Variants in PRAMEF11 observed in about 807,000 individuals in gnomAD.
PRAMEF11 encodes the protein PRAME family member 11.
Under a neutral mutation model 33.6 loss-of-function variants are expected in PRAMEF11, and 17 were observed. The observed-to-expected ratio is 0.51, with a 90% CI of 0.35 to 0.76. PRAMEF11 has a LOEUF of 0.76. PRAMEF11 is among the 30% of genes least tolerant of loss of function. The pLI is 0.01. For synonymous variants in PRAMEF11, 205 were observed against 227.3 expected, an observed-to-expected ratio of 0.90 and a Z score of 0.88; for missense variants, 568 against 567.0, an observed-to-expected ratio of 1.00 and a Z score of -0.02.
At chr1:12,828,068 C>T (rs1569789357) in intron 2 of PRAMEF11, among the ~76,000 whole-genome samples, 1 of 150,152 alleles carries the variant, frequency 6.7e-6, no homozygotes, top group Non-Finnish European at 1.5e-5. Flanking sequence ...TCACTGCAAC[C>T]TCTTCTTCCC....
At chr1:12,827,107 C>CGCCAACAG in intron 3 of PRAMEF11, 142 bp downstream of exon 3, 1 of 1,526,530 alleles carries the variant, frequency 6.6e-7, no homozygotes, top group South Asian at 1.2e-5. Flanking sequence ...AGGACAGGGC[C>CGCCAACAG]GCCAACAGGA....
rs1211876699 is a variant in PRAMEF11, at chr1:12,830,915, C to T, written c.-17+441G>A. ...GACTGAGGCATGAGAATTGCTTGAA[C>T]CCGGGAGGTAAAGGTTGCAGTGAGT... On this transcript the variant is annotated intron_variant, in intron 1 of 3. Transcript: ENST00000619922. 2.0e-5 allele frequency among the ~76,000 whole-genome samples: 3 copies of T among 150,330 alleles called. 1 individual carries two copies. Among genetic ancestry groups the T allele is most frequent in the Non-Finnish European group, 3.0e-5 (2 of 67,570 alleles).
At chr1:12,829,647 C>A (rs1281802928) in intron 1 of PRAMEF11, among the ~76,000 whole-genome samples, 12 of 151,364 alleles carry the variant, frequency 7.9e-5, no homozygotes, top group Non-Finnish European at 1.3e-4. Context: ...TAGTCTCAAG[C>A]AATCTACCCC....
intron 1 of PRAMEF11, among the ~76,000 whole-genome samples, chr1:12,830,922 G>A (rs1302157619): frequency 6.7e-6 from 1 of 150,342 alleles, no homozygotes; most frequent in East Asian, 2.0e-4. Context: ...GAACCCGGGA[G>A]GTAAAGGTTG....
chr1:12,824,892 C>A lies in PRAMEF11; in HGVS notation c.*50G>T, dbSNP rs1557608220. On this transcript the variant is annotated 3_prime_UTR_variant, in exon 4 of 4. Coordinates refer to ENST00000619922, the MANE Select transcript of PRAMEF11 (RefSeq NM_001146344.3). ...TACCTAAGACCTAGGTTTTAGTTTC[C>A]AAGTGTCCAGAAGAAAGCGTTTGAC... 1 of 1,601,092 alleles carries A rather than the reference C, an allele frequency of 6.2e-7. No homozygotes were observed. Among genetic ancestry groups the A allele is most frequent in the Non-Finnish European group, 8.5e-7 (1 of 1,172,772 alleles).
rs1442470483 is a variant in PRAMEF11 at position 12,828,693 on chromosome 1, G to C, written c.97C>G (p.Leu33Val). Reference protein sequence around the residue: ...QALAVSTLEELPTELFPPLFM... With the variant: ...QALAVSTLEEVPTELFPPLFM... ...AGTGGGGGGAAAAGTTCCGTGGGCA[G>C]CTCCTCCAGGGTGGAGACGGCCAAG... is the stretch of plus-strand genomic sequence containing the variant. The change falls in exon 2 of 4, where the codon CTG becomes GTG. Residue 33 changes from leucine (L) to valine (V), a missense_variant. By Grantham distance (32) the Leu-to-Val change is conservative (BLOSUM62 1). Coordinates refer to ENST00000619922, the MANE Select transcript of PRAMEF11 (RefSeq NM_001146344.3). The C allele has an allele frequency of 2.0e-5, 32 of 1,610,408 alleles. No individual in the cohort carries two copies. The highest frequency in any genetic ancestry group is 2.7e-5 in the Non-Finnish European group (32 of 1,178,080).
rs183045083 is a variant in PRAMEF11, at chr1:12,827,718, G to A, written c.406C>T (p.Pro136Ser). ...CTCATCCTTGGACAGTCCTGCACTG[G>A]TTTTTTGTTCCTCTTGGCATTGAGG... ...CFLNAKRNKK[P>S]VQDCPRMRGR... The change falls in exon 3 of 4, where the codon CCA (proline) becomes TCA (serine). Residue 136 changes from proline (P) to serine (S), a missense_variant. Around this residue, in one of 3 missense-constraint regions of PRAMEF11, gnomAD observed 342 missense variants for 312.0 expected, o/e 1.10. Coordinates refer to ENST00000619922, the MANE Select transcript of PRAMEF11 (RefSeq NM_001146344.3). 4.5e-4 allele frequency: 722 copies of A among 1,608,768 alleles called. 16 individuals carry two copies. Among genetic ancestry groups the A allele is most frequent in the Non-Finnish European group, 5.9e-4 (691 of 1,177,242 alleles).
intron 2 of PRAMEF11, among the ~76,000 whole-genome samples, chr1:12,828,179 T>C (rs1483129931): frequency 6.8e-6 from 1 of 146,580 alleles, no homozygotes; most frequent in Non-Finnish European, 1.5e-5. Flanking sequence ...AGAGTTGGGG[T>C]TTACCATGTT....
chr1:12,828,117 CT>C (rs1639915490), intron 2 of PRAMEF11, among the ~76,000 whole-genome samples: 1 of 149,932 alleles, frequency 6.7e-6, no homozygotes, highest in Admixed American at 6.7e-5. Context: ...TCACAAGTAG[CT>C]GGGATTACAG....
chr1:12,828,686 G>C lies in PRAMEF11; in HGVS notation c.104C>G (p.Thr35Arg), dbSNP rs61664550. 2 of 1,610,350 alleles carry C rather than the reference G, an allele frequency of 1.2e-6. No homozygotes were observed. Among genetic ancestry groups the C allele is most frequent in the African/African-American group, 1.3e-5 (1 of 74,728 alleles). ...CATGAACAGTGGGGGGAAAAGTTCC[G>C]TGGGCAGCTCCTCCAGGGTGGAGAC... ...LAVSTLEELP[T>R]ELFPPLFMEA... Residue 35 changes from threonine to arginine, a missense_variant, in exon 2 of 4, where the codon ACG (threonine) becomes AGG (arginine). Coordinates refer to ENST00000619922, the MANE Select transcript of PRAMEF11 (RefSeq NM_001146344.3).
chr1:12,830,573 G>C (rs5022980), intron 1 of PRAMEF11, among the ~76,000 whole-genome samples: 57 of 150,846 alleles, frequency 3.8e-4, no homozygotes, highest in Non-Finnish European at 7.4e-5. Context: ...TGGAGTACAG[G>C]AGTGGTATGA....
chr1:12,830,491 T>C (rs994717567), intron 1 of PRAMEF11, among the ~76,000 whole-genome samples: 3 of 151,418 alleles, frequency 2.0e-5, no homozygotes, highest in African/African-American at 7.2e-5. Context: ...TGGTTTAAAA[T>C]TAAGGTCAAA....
chr1:12,828,331 C>G (rs1366317424), intron 2 of PRAMEF11, among the ~76,000 whole-genome samples, 166 bp downstream of exon 2: 10 of 148,720 alleles, frequency 6.7e-5, no homozygotes. Flanking sequence ...CCTCTATGGA[C>G]CTTGCCTGGT....
chr1:12,828,325 T>C (rs2743668), intron 2 of PRAMEF11, among the ~76,000 whole-genome samples, 172 bp downstream of exon 2: 1,994 of 143,780 alleles, frequency 0.014, 76 homozygotes, highest in African/African-American at 0.037. Context: ...CTGTTACCTC[T>C]ATGGACCTTG....
At chr1:12,830,834 C>G (rs1181187088) in intron 1 of PRAMEF11, among the ~76,000 whole-genome samples, 1 of 150,450 alleles carries the variant, frequency 6.6e-6, no homozygotes, top group African/African-American at 2.4e-5. Flanking sequence ...ACTAAAAATA[C>G]AAAAATTAGC....
intron 1 of PRAMEF11, among the ~76,000 whole-genome samples, chr1:12,830,918 G>A (rs4445479): frequency 6.7e-6 from 1 of 149,850 alleles, no homozygotes; most frequent in South Asian, 2.2e-4. Flanking sequence ...GCTTGAACCC[G>A]GGAGGTAAAG....
chr1:12,830,316 C>G (rs1639978952), intron 1 of PRAMEF11, among the ~76,000 whole-genome samples: 1 of 151,116 alleles, frequency 6.6e-6, no homozygotes, highest in South Asian at 2.1e-4. Context: ...GGAGCTGAAT[C>G]TCACTTCATC....
chr1:12,830,291 CT>C lies in PRAMEF11; in HGVS notation c.-17+1064del, dbSNP rs1354887383. Among the ~76,000 whole-genome samples, 3 of 151,130 alleles carry C rather than the reference CT, an allele frequency of 2.0e-5. No homozygotes were observed. In the Admixed American group the frequency reaches 2.0e-4, roughly 10 times the overall value. On this transcript the variant is annotated intron_variant, in intron 1 of 3. Transcript: ENST00000619922. ...CAAAGATCACCTAGGTGGCGTAATT[CT>C]TTTTGGTGTTGAGGGAGCTGAATCT...
intron 3 of PRAMEF11, among the ~76,000 whole-genome samples, 196 bp downstream of exon 3, chr1:12,827,053 T>A (rs546535925): frequency 3.0e-4 from 46 of 151,352 alleles, no homozygotes; most frequent in Admixed American, 2.7e-3. Flanking sequence ...CTCCCCTGAC[T>A]GATCCCTCTG....
Sources: allele counts gnomAD v4.1 joint callset (sites outside exome capture counted in the v4.1 genomes callset), GRCh38; gene constraint gnomAD v4.1.1; regional missense constraint gnomAD v4.1.1; transcripts MANE v1.5; gene names NCBI Gene and HGNC (gene_info 2026-07-23, HGNC 2026-07-21).